Variants in HS2ST1 observed in about 807,000 individuals in gnomAD.
The protein encoded by HS2ST1 is 2-O-sulfotransferase.
HS2ST1 carries 18 observed loss-of-function variants against 42.9 expected under a neutral mutation model. The ratio of observed to expected loss-of-function variants is 0.42; its 90% CI spans 0.29 to 0.62. The LOEUF (loss-of-function observed/expected upper bound fraction) is 0.62. HS2ST1 is among the 20% of genes least tolerant of loss of function. The probability of loss-of-function intolerance (pLI) is 0.21; values close to 1 mark genes in which losing one functional copy is unlikely to be tolerated. For synonymous variants in HS2ST1, 146 were observed against 152.9 expected (o/e 0.95, Z 0.33); for missense variants, 334 against 433.8 (o/e 0.77, Z 2.04).
chr1:87,090,345 A>G (rs1651910031), intron 3 of HS2ST1, among the ~76,000 whole-genome samples: 1 of 151,996 alleles, frequency 6.6e-6, no homozygotes, highest in South Asian at 2.1e-4. Context: ...TGACAGTGCT[A>G]TGTATTTGCA....
rs1652388716 is a variant in HS2ST1, at chr1:87,108,541, A to C, written c.*3845A>C. 6.6e-6 allele frequency: 1 copy of C among 152,076 alleles called. No homozygotes were observed. Among genetic ancestry groups the C allele is most frequent in the South Asian group, 2.1e-4 (1 of 4,832 alleles). The allele number at this position is 152,076 out of a possible 1,614,324, so 9.4% of individuals were successfully genotyped here. ...TATGATGCCAACTAAACTACTCTTT[A>C]GGCAGCCTTCTGAGGAGAAAAGCAA... On this transcript the variant is annotated 3_prime_UTR_variant, in exon 7 of 7. Coordinates refer to ENST00000370550, the MANE Select transcript of HS2ST1 (RefSeq NM_012262.4).
chr1:87,070,532 C>T (rs967072396), intron 1 of HS2ST1, among the ~76,000 whole-genome samples: 1 of 152,114 alleles, frequency 6.6e-6, no homozygotes, highest in Admixed American at 6.6e-5. Context: ...GTCGAGGCTG[C>T]AGTGAGCCAT....
chr1:86,961,138 TA>T (rs1647831983), intron 1 of HS2ST1, among the ~76,000 whole-genome samples: 1 of 32,802 alleles, frequency 3.0e-5, no homozygotes, highest in South Asian at 2.0e-3. Flanking sequence ...AGAGTCTATT[TA>T]ATAAAAAAAA....
chr1:87,005,205 C>T (rs1246297954), intron 1 of HS2ST1, among the ~76,000 whole-genome samples: 3 of 152,154 alleles, frequency 2.0e-5, no homozygotes, highest in Admixed American at 6.5e-5. Flanking sequence ...CTTTTGCCCA[C>T]GCAGAGGCAG....
intron 1 of HS2ST1, among the ~76,000 whole-genome samples, chr1:86,918,491 C>CAT (rs572805263): frequency 8.6e-5 from 13 of 151,640 alleles, no homozygotes; most frequent in Admixed American, 2.6e-4. Context: ...TGTATATATA[C>CAT]ATATATATAT....
chr1:87,037,384 G>A (rs1436853816), intron 1 of HS2ST1, among the ~76,000 whole-genome samples: 2 of 134,762 alleles, frequency 1.5e-5, no homozygotes, highest in African/African-American at 5.2e-5. Flanking sequence ...TATTCTACTT[G>A]GTTGTAGTTA....
chr1:86,954,011 A>G (rs1475889958), intron 1 of HS2ST1, among the ~76,000 whole-genome samples: 2 of 148,640 alleles, frequency 1.3e-5, no homozygotes, highest in Non-Finnish European at 3.0e-5. Flanking sequence ...AACAATTGCA[A>G]TAGTAATAAC....
intron 1 of HS2ST1, among the ~76,000 whole-genome samples, chr1:87,024,930 A>G (rs1650046717): frequency 1.3e-5 from 2 of 152,364 alleles, no homozygotes; most frequent in South Asian, 2.1e-4. Flanking sequence ...CTATATAACA[A>G]TCATGCTTAA....
intron 1 of HS2ST1, among the ~76,000 whole-genome samples, chr1:86,935,230 G>A (rs183674085): frequency 1.3e-5 from 2 of 151,596 alleles, no homozygotes; most frequent in African/African-American, 4.8e-5. Flanking sequence ...TTTAGTATCT[G>A]GTAGGGCTAA....
chr1:86,947,945 G>C (rs1647387959), intron 1 of HS2ST1, among the ~76,000 whole-genome samples: 1 of 152,072 alleles, frequency 6.6e-6, no homozygotes. Context: ...AAACAATGTA[G>C]GTTGTGAGTA....
chr1:86,973,192 T>C (rs6658900), intron 1 of HS2ST1, among the ~76,000 whole-genome samples: 1 of 151,138 alleles, frequency 6.6e-6, no homozygotes, highest in Non-Finnish European at 1.5e-5. Flanking sequence ...TGTTCTTAAA[T>C]TTTTTTTTTA....
chr1:86,917,290 C>G (rs543417706), intron 1 of HS2ST1, among the ~76,000 whole-genome samples: 1 of 151,972 alleles, frequency 6.6e-6, no homozygotes, highest in Admixed American at 6.6e-5. Context: ...AGGCCGAGGC[C>G]GGCGGATCAT....
chr1:87,002,882 C>T (rs1649332797), intron 1 of HS2ST1, among the ~76,000 whole-genome samples: 1 of 152,140 alleles, frequency 6.6e-6, no homozygotes, highest in Admixed American at 6.5e-5. Context: ...GGAACAATGG[C>T]TCTTGCAACT....
chr1:86,997,805 A>G (rs1570473122), intron 1 of HS2ST1, among the ~76,000 whole-genome samples: 1 of 152,204 alleles, frequency 6.6e-6, no homozygotes, highest in South Asian at 2.1e-4. Flanking sequence ...CAAAGGAACA[A>G]TAATGTCCTG....
chr1:87,066,937 A>C (rs1217403717), intron 1 of HS2ST1, among the ~76,000 whole-genome samples: 1 of 152,170 alleles, frequency 6.6e-6, no homozygotes, highest in East Asian at 1.9e-4. Context: ...TCCATGGTGT[A>C]TATGTGCCAC....
At chr1:86,951,547 A>G (rs1647518695) in intron 1 of HS2ST1, among the ~76,000 whole-genome samples, 1 of 152,044 alleles carries the variant, frequency 6.6e-6, no homozygotes, top group South Asian at 2.1e-4. Flanking sequence ...GCTAAAAAAA[A>G]TGCTAACAAT....
intron 1 of HS2ST1, among the ~76,000 whole-genome samples, chr1:86,982,083 G>A (rs1648611346): frequency 6.6e-6 from 1 of 152,226 alleles, no homozygotes; most frequent in Non-Finnish European, 1.5e-5. Context: ...CCAGTGCTTG[G>A]GGGCGTGCAC....
chr1:87,083,463 T>A (rs1276124458), intron 2 of HS2ST1, among the ~76,000 whole-genome samples: 1 of 152,196 alleles, frequency 6.6e-6, no homozygotes, highest in East Asian at 1.9e-4. Flanking sequence ...CATTTTCCAT[T>A]GAGAAATTGT....
intron 2 of HS2ST1, among the ~76,000 whole-genome samples, chr1:87,081,076 G>A (rs1286852004): frequency 1.3e-5 from 2 of 152,164 alleles, no homozygotes; most frequent in Non-Finnish European, 2.9e-5. Flanking sequence ...TATTACTAGA[G>A]CTAAAGAGAT....
Sources: gnomAD v4.1 joint callset for allele counts (sites outside exome capture counted in the v4.1 genomes callset) on GRCh38, gnomAD v4.1.1 for gene constraint, MANE v1.5 for transcripts, NCBI Gene and HGNC (gene_info 2026-07-23, HGNC 2026-07-21) for gene names.